TMEM117: variants seen among roughly 807,000 people sequenced by gnomAD.
TMEM117 encodes the protein transmembrane protein 117.
TMEM117 carries 27 observed loss-of-function variants against 52.4 expected under a neutral mutation model. The ratio of observed to expected loss-of-function variants is 0.51; its 90% confidence interval spans 0.38 to 0.71. TMEM117 has a LOEUF of 0.71. Among genes scored for constraint, TMEM117 ranks in the 30% least tolerant of loss-of-function variants. The probability of loss-of-function intolerance (pLI) is 0.00; values close to 1 mark genes in which losing one functional copy is unlikely to be tolerated. For synonymous variants in TMEM117, 215 were observed against 206.3 expected (o/e 1.04, Z -0.36); for missense variants, 556 against 630.5 (o/e 0.88, Z 1.26).
At chr12:44,083,415 T>TTTA (rs1239646150) in intron 3 of TMEM117, among the ~76,000 whole-genome samples, 4 of 139,238 alleles carry the variant, frequency 2.9e-5, no homozygotes, top group Non-Finnish European at 4.5e-5. Flanking sequence ...TTTTTTTTTT[T>TTTA]AGACATGGTT....
intron 3 of TMEM117, among the ~76,000 whole-genome samples, chr12:44,116,957 T>G (rs547622078): frequency 3.5e-4 from 54 of 152,326 alleles, no homozygotes; most frequent in Admixed American, 1.6e-3. Context: ...CATGTTGTTG[T>G]CAGCTGAATG....
chr12:44,332,853 G>C (rs889347828), intron 6 of TMEM117, among the ~76,000 whole-genome samples: 10 of 151,648 alleles, frequency 6.6e-5, no homozygotes, highest in South Asian at 2.1e-4. Flanking sequence ...ATAATTCTCT[G>C]TGTGTGTGTA....
At chr12:43,852,390 C>T (rs1943325637) in intron 2 of TMEM117, among the ~76,000 whole-genome samples, 1 of 151,930 alleles carries the variant, frequency 6.6e-6, no homozygotes, top group Non-Finnish European at 1.5e-5. Flanking sequence ...GAGATCACGC[C>T]ACTGCACTCC....
At chr12:44,229,411 C>T (rs538022303) in intron 5 of TMEM117, among the ~76,000 whole-genome samples, 1 of 152,092 alleles carries the variant, frequency 6.6e-6, no homozygotes, top group Non-Finnish European at 1.5e-5. Flanking sequence ...ACCTCAGAGT[C>T]ACCCCACTAT....
intron 2 of TMEM117, among the ~76,000 whole-genome samples, chr12:43,872,963 A>G (rs1226582045): frequency 1.3e-5 from 2 of 152,216 alleles, no homozygotes; most frequent in African/African-American, 4.8e-5. Context: ...TTGAAATAAA[A>G]GATAAGTCAG....
At chr12:44,107,454 G>C (rs1040357783) in intron 3 of TMEM117, among the ~76,000 whole-genome samples, 1 of 151,928 alleles carries the variant, frequency 6.6e-6, no homozygotes, top group Non-Finnish European at 1.5e-5. Flanking sequence ...TAGACTCTTC[G>C]TGCTTTATTG....
At chr12:43,906,097 T>A (rs4238091) in intron 2 of TMEM117, among the ~76,000 whole-genome samples, 109,080 of 152,180 alleles carry the variant, frequency 0.72, 42,206 homozygotes, top group East Asian at 0.87. Flanking sequence ...ACTTTATTTT[T>A]TCTATTTTAT....
intron 2 of TMEM117, among the ~76,000 whole-genome samples, chr12:43,896,836 G>T (rs867735297): frequency 4.6e-5 from 7 of 152,218 alleles, no homozygotes; most frequent in Admixed American, 2.6e-4. Flanking sequence ...TAATCAGTTT[G>T]CATTAATATG....
chr12:44,140,738 C>A (rs746351670), intron 3 of TMEM117, among the ~76,000 whole-genome samples: 3 of 152,094 alleles, frequency 2.0e-5, no homozygotes, highest in Non-Finnish European at 2.9e-5. Context: ...AAGGATTCAT[C>A]CATCTCTGGT....
chr12:44,174,651 T>C (rs1949094168), intron 4 of TMEM117, among the ~76,000 whole-genome samples: 1 of 152,208 alleles, frequency 6.6e-6, no homozygotes, highest in South Asian at 2.1e-4. Flanking sequence ...ATCTCATAAC[T>C]AGCACTGTGT....
intron 4 of TMEM117, among the ~76,000 whole-genome samples, chr12:44,152,058 A>G (rs1220061715): frequency 1.7e-5 from 2 of 117,676 alleles, no homozygotes; most frequent in South Asian, 4.8e-4. Context: ...TCATATATTT[A>G]TATTATAGAT....
At chr12:44,066,936 G>A (rs1947229634) in intron 3 of TMEM117, among the ~76,000 whole-genome samples, 2 of 152,210 alleles carry the variant, frequency 1.3e-5, no homozygotes, top group Admixed American at 6.5e-5. Context: ...CAAAACTGGA[G>A]TCAGTTCTCT....
chr12:43,850,234 G>A (rs1204290263), intron 2 of TMEM117, among the ~76,000 whole-genome samples: 2 of 152,124 alleles, frequency 1.3e-5, no homozygotes, highest in Non-Finnish European at 2.9e-5. Flanking sequence ...CCTAAGGGAA[G>A]GATTCATGGT....
chr12:44,148,723 A>T (rs1254311893), intron 4 of TMEM117, among the ~76,000 whole-genome samples: 1 of 152,202 alleles, frequency 6.6e-6, no homozygotes, highest in Non-Finnish European at 1.5e-5. Context: ...GGGAGTTACA[A>T]TGTCAATCAT....
intron 2 of TMEM117, among the ~76,000 whole-genome samples, chr12:43,928,547 A>G (rs946918131): frequency 6.6e-6 from 1 of 151,972 alleles, no homozygotes. Flanking sequence ...ACTATCAAAT[A>G]TTTGCATTTA....
intron 5 of TMEM117, among the ~76,000 whole-genome samples, chr12:44,247,587 ATCT>A: frequency 6.6e-6 from 1 of 152,352 alleles, no homozygotes; most frequent in African/African-American, 2.4e-5. Flanking sequence ...AACATTCAAA[ATCT>A]TCTAAGTATC....
At chr12:44,012,978 C>A (rs562574213) in intron 3 of TMEM117, among the ~76,000 whole-genome samples, 2 of 151,634 alleles carry the variant, frequency 1.3e-5, no homozygotes, top group East Asian at 3.9e-4. Context: ...GTCTTTTGTA[C>A]TCCTCTGATT....
At chr12:44,010,168 T>C (rs1008044367) in intron 3 of TMEM117, 3 of 517,196 alleles carry the variant, frequency 5.8e-6, no homozygotes, top group African/African-American at 5.8e-5. Flanking sequence ...GTTTTAACCC[T>C]GTGTGTGACA....
intron 7 of TMEM117, among the ~76,000 whole-genome samples, chr12:44,378,148 C>G (rs1015411070): frequency 3.9e-5 from 6 of 152,068 alleles, no homozygotes; most frequent in African/African-American, 1.4e-4. Flanking sequence ...GCTACCAGCT[C>G]TTGTCCCAGG....
Sources: gnomAD v4.1 joint callset for allele counts (sites outside exome capture counted in the v4.1 genomes callset) on GRCh38, gnomAD v4.1.1 for gene constraint, MANE v1.5 for transcripts, NCBI Gene and HGNC (gene_info 2026-07-23, HGNC 2026-07-21) for gene names.